The following LIFR variants were observed in gnomAD, a reference collection of about 807,000 sequenced individuals.
LIFR encodes LIF receptor subunit alpha.
A neutral mutation model predicts 122.2 loss-of-function variants in LIFR; 84 were observed. The ratio of observed to expected loss-of-function variants is 0.69; its 90% CI spans 0.58 to 0.82. LIFR has a LOEUF of 0.82. LIFR is among the 40% of genes least tolerant of loss of function. LIFR has a pLI of 0.00. For missense variants in LIFR, 1,294 were observed against 1,311.6 expected (o/e 0.99, Z 0.21); for synonymous variants, 422 against 434.7 (o/e 0.97, Z 0.36).
chr5:38,550,241 A>G (rs1748128524), intron 1 of LIFR: 2 of 975,530 alleles, frequency 2.1e-6, no homozygotes, highest in Non-Finnish European at 2.4e-6. Flanking sequence ...TTAAACAATC[A>G]TATCCCCATA....
At position 38,511,850 on chromosome 5, in the gene LIFR, T is replaced by C. The variant is rs1745820447; in HGVS notation, c.676A>G (p.Asn226Asp). The change falls in exon 6 of 20, where the codon AAT becomes GAT. Residue 226 changes from asparagine (N) to aspartate (D), a missense_variant. Transcript: ENST00000453190. ...TCTTCGAGACCAGAAAAATGAAGAT[T>C]GTCAATGTAGCATCTAATTTCCACA... ...HFVEIRCYID[N>D]LHFSGLEEWS... 1.9e-6 allele frequency: 3 copies of C among 1,614,160 alleles called. No homozygotes were observed. Among genetic ancestry groups the C allele is most frequent in the Non-Finnish European group, 2.5e-6 (3 of 1,180,000 alleles).
intron 7 of LIFR, 74 bp from the exon 8 acceptor site, chr5:38,506,706 A>T: frequency 7.9e-7 from 1 of 1,268,976 alleles, no homozygotes; most frequent in Non-Finnish European, 1.1e-6. Context: ...ATAAACGTCA[A>T]TGTTTTCCAC....
chr5:38,583,681 A>G (rs1749658457), intron 1 of LIFR, among the ~76,000 whole-genome samples: 1 of 152,216 alleles, frequency 6.6e-6, no homozygotes, highest in Non-Finnish European at 1.5e-5. Flanking sequence ...ACATAAAATG[A>G]TCAACAGGTA....
At chr5:38,501,163 T>C (rs190564693) in intron 11 of LIFR, among the ~76,000 whole-genome samples, 1 of 152,332 alleles carries the variant, frequency 6.6e-6, no homozygotes, top group East Asian at 1.9e-4. Flanking sequence ...ATCATAAACA[T>C]CTGCTGTGTT....
intron 4 of LIFR, among the ~76,000 whole-genome samples, chr5:38,526,666 T>C (rs1253815352): frequency 6.6e-6 from 1 of 152,178 alleles, no homozygotes; most frequent in Non-Finnish European, 1.5e-5. Context: ...TCACCTAATT[T>C]GCTTTTCAAT....
intron 1 of LIFR, among the ~76,000 whole-genome samples, chr5:38,533,154 A>G (rs963261883): frequency 6.6e-6 from 1 of 152,210 alleles, no homozygotes; most frequent in African/African-American, 2.4e-5. Flanking sequence ...AATAATGCAT[A>G]TGTTTTACAC....
intron 1 of LIFR, among the ~76,000 whole-genome samples, chr5:38,537,847 C>T (rs1459948959): frequency 2.6e-5 from 4 of 152,066 alleles, no homozygotes; most frequent in Non-Finnish European, 5.9e-5. Flanking sequence ...GAAAAAAAAT[C>T]TTAATATGCA....
intron 1 of LIFR, among the ~76,000 whole-genome samples, chr5:38,584,142 G>C (rs949691424): frequency 2.0e-4 from 31 of 152,018 alleles, no homozygotes; most frequent in Admixed American, 1.4e-3. Context: ...ATACTCATTA[G>C]ATACCATTTC....
chr5:38,523,961 T>A (rs187786233), intron 4 of LIFR, among the ~76,000 whole-genome samples: 102 of 152,316 alleles, frequency 6.7e-4, no homozygotes, highest in Non-Finnish European at 8.8e-5. Context: ...AGCTGGCTGT[T>A]TCAAATCCAC....
chr5:38,486,412 G>A (rs567584151), intron 16 of LIFR, among the ~76,000 whole-genome samples: 1 of 152,216 alleles, frequency 6.6e-6, no homozygotes, highest in African/African-American at 2.4e-5. Flanking sequence ...CAGATCAATA[G>A]AGATGACTCC....
At chr5:38,535,670 G>C (rs1747259469) in intron 1 of LIFR, among the ~76,000 whole-genome samples, 2 of 152,122 alleles carry the variant, frequency 1.3e-5, no homozygotes, top group Admixed American at 1.3e-4. Flanking sequence ...AGATCCTTGA[G>C]AGCAAACACA....
chr5:38,547,614 A>T (rs1462528193), intron 1 of LIFR, among the ~76,000 whole-genome samples: 1 of 151,482 alleles, frequency 6.6e-6, no homozygotes, highest in Non-Finnish European at 1.5e-5. Context: ...TGCCAACTTT[A>T]AAAAAAAAGT....
At chr5:38,525,186 T>A (rs1027349173) in intron 4 of LIFR, among the ~76,000 whole-genome samples, 1 of 152,134 alleles carries the variant, frequency 6.6e-6, no homozygotes, top group African/African-American at 2.4e-5. Flanking sequence ...TTTGGACCAA[T>A]GGAAAACAAA....
chr5:38,581,030 C>T (rs987066492), intron 1 of LIFR, among the ~76,000 whole-genome samples: 4 of 152,040 alleles, frequency 2.6e-5, no homozygotes, highest in African/African-American at 4.8e-5. Flanking sequence ...GCCTCAGTTT[C>T]CTCATCTATA....
At chr5:38,554,759 A>C (rs1271384609) in intron 1 of LIFR, among the ~76,000 whole-genome samples, 3 of 152,198 alleles carry the variant, frequency 2.0e-5, no homozygotes, top group Non-Finnish European at 4.4e-5. Flanking sequence ...GATGGGAGAG[A>C]GGTATACTCC....
chr5:38,496,976 C>A (rs1744916106), intron 12 of LIFR, among the ~76,000 whole-genome samples: 2 of 151,772 alleles, frequency 1.3e-5, no homozygotes, highest in South Asian at 4.2e-4. Flanking sequence ...GACTCCATCT[C>A]AAAAACAAAA....
At chr5:38,518,680 GTATT>G (rs1461986312) in intron 5 of LIFR, among the ~76,000 whole-genome samples, 1 of 152,202 alleles carries the variant, frequency 6.6e-6, no homozygotes, top group Non-Finnish European at 1.5e-5. Context: ...ACTGGTGTAT[GTATT>G]TAGTGTACTA....
rs1580053256 is a variant in LIFR at position 38,502,667 on chromosome 5, T to C, written c.1570A>G (p.Asn524Asp). ...TCTGTTGTTAAATGTTGTTTTTTAT[T>C]GCTCCATTTGCTCCATTTCCAGAAA... ...ETFWKWSKWSNKKQHLTTEAS... is the reference protein window; with the variant it reads ...ETFWKWSKWSDKKQHLTTEAS... The change falls in exon 11 of 20, where the codon AAT becomes GAT. Residue 524 changes from asparagine to aspartate, a missense_variant. Transcript: ENST00000453190. 1 of 1,613,578 alleles carries C rather than the reference T, an allele frequency of 6.2e-7. No individual in the cohort carries two copies. Among genetic ancestry groups the C allele is most frequent in the South Asian group, 1.1e-5 (1 of 91,070 alleles).
intron 1 of LIFR, among the ~76,000 whole-genome samples, chr5:38,550,852 G>A (rs143744409): frequency 6.6e-6 from 1 of 152,184 alleles, no homozygotes; most frequent in Non-Finnish European, 1.5e-5. Context: ...ACCACCTCTG[G>A]GTCTAAGTTT....
Sources: allele counts gnomAD v4.1 joint callset (sites outside exome capture counted in the v4.1 genomes callset), GRCh38; gene constraint gnomAD v4.1.1; transcripts MANE v1.5; gene names NCBI Gene and HGNC (gene_info 2026-07-23, HGNC 2026-07-21).